TRIM66: variants seen among roughly 807,000 people sequenced by gnomAD.
TRIM66 encodes tripartite motif containing 66.
In TRIM66, 99 loss-of-function variants were observed where a neutral mutation model predicts 148.2. The observed-to-expected ratio is 0.67, with a 90% CI of 0.57 to 0.79. The LOEUF is 0.79. TRIM66 is among the 30% of genes least tolerant of loss of function. The pLI is 0.00. For missense variants in TRIM66, 1,666 were observed against 1,697.9 expected (o/e 0.98, Z 0.33); for synonymous variants, 616 against 635.9 (o/e 0.97, Z 0.47).
At chr11:8,622,377 T>TATATATATATATATATATATATATATAC (rs2034370737) in intron 18 of TRIM66, among the ~76,000 whole-genome samples, 1 of 70,966 alleles carries the variant, frequency 1.4e-5, no homozygotes. Flanking sequence ...TATATATATA[T>TATATATATATATATATATATATATATAC]ATATATCTCC....
At chr11:8,682,986 G>C (rs1364510419), upstream of TRIM66, 1 of 959,866 alleles carries the variant, frequency 1.0e-6, no homozygotes, top group East Asian at 2.5e-5. Context: ...TCCCGGAGCC[G>C]TGTGTTAGGC....
chr11:8,679,477 A>C (rs1461710261), intron 3 of TRIM66, 143 bp downstream of exon 3: 1 of 152,638 alleles, frequency 6.6e-6, no homozygotes, highest in Admixed American at 6.5e-5. Context: ...TCTATAACCA[A>C]GGAACCTGGC....
intron 6 of TRIM66, among the ~76,000 whole-genome samples, chr11:8,665,386 T>G (rs1361051303): frequency 6.6e-6 from 1 of 152,232 alleles, no homozygotes; most frequent in Non-Finnish European, 1.5e-5. Context: ...GCAACTGATA[T>G]CTGCCAGTCC....
chr11:8,655,878 G>T (rs914972517), intron 6 of TRIM66, among the ~76,000 whole-genome samples: 7 of 152,206 alleles, frequency 4.6e-5, no homozygotes, highest in Non-Finnish European at 7.3e-5. Context: ...CTGGCTATCA[G>T]CCTTGTCAGA....
chr11:8,621,924 A>G, intron 18 of TRIM66, 105 bp from the exon 19 acceptor site: 1 of 1,144,660 alleles, frequency 8.7e-7, no homozygotes, highest in Non-Finnish European at 1.2e-6. Context: ...ATTGAGTGTC[A>G]ACTTGATTGG....
At chr11:8,637,454 C>G (rs2035982917) in intron 15 of TRIM66, among the ~76,000 whole-genome samples, 1 of 152,154 alleles carries the variant, frequency 6.6e-6, no homozygotes, top group Non-Finnish European at 1.5e-5. Flanking sequence ...TACAGTACCT[C>G]AAGGGCCTCT....
chr11:8,650,095 A>G (rs1325164881), intron 7 of TRIM66, among the ~76,000 whole-genome samples: 1 of 152,120 alleles, frequency 6.6e-6, no homozygotes, highest in East Asian at 1.9e-4. Flanking sequence ...TGGCTACTTC[A>G]GGTATGGTGG....
At chr11:8,665,571 T>A (rs1160187417) in intron 6 of TRIM66, among the ~76,000 whole-genome samples, 1 of 152,186 alleles carries the variant, frequency 6.6e-6, no homozygotes, top group Non-Finnish European at 1.5e-5. Flanking sequence ...TACAGCCTGG[T>A]ACACAGTAGT....
At chr11:8,653,803 A>G (rs926908080) in intron 6 of TRIM66, among the ~76,000 whole-genome samples, 2 of 152,032 alleles carry the variant, frequency 1.3e-5, no homozygotes, top group African/African-American at 4.8e-5. Context: ...AAAAAAGAAA[A>G]GAAAAGAAAA....
In TRIM66 at chr11:8,617,744, A is replaced by C; in HGVS notation, c.*200T>G. Reference sequence around the variant, plus strand: ...ATAAATACCTTCCTCTTTCCTGTTTATTACTGAAATCTTCTCTGTAGTGGA... The same window carrying C: ...ATAAATACCTTCCTCTTTCCTGTTTCTTACTGAAATCTTCTCTGTAGTGGA... On this transcript the variant is annotated 3_prime_UTR_variant, in exon 25 of 25. Coordinates refer to ENST00000646038, the MANE Select transcript of TRIM66 (RefSeq NM_001388022.1). The C allele has an allele frequency of 1.8e-6, 1 of 562,040 alleles. No homozygotes were observed. 34.8% of individuals were successfully genotyped at this position (562,040 alleles called of 1,614,324 possible).
chr11:8,625,934 T>G (rs1461858708), intron 15 of TRIM66, among the ~76,000 whole-genome samples: 1 of 152,222 alleles, frequency 6.6e-6, no homozygotes, highest in African/African-American at 2.4e-5. Flanking sequence ...CTGGCCCTAG[T>G]ATACCTGCCA....
chr11:8,654,780 C>A (rs1379393330), intron 6 of TRIM66, among the ~76,000 whole-genome samples: 2 of 152,150 alleles, frequency 1.3e-5, no homozygotes, highest in Non-Finnish European at 2.9e-5. Context: ...AACTGCTGTA[C>A]ATTGTTTTGC....
intron 13 of TRIM66, 61 bp downstream of exon 13, chr11:8,642,948 G>A: frequency 4.2e-6 from 5 of 1,188,562 alleles, no homozygotes; most frequent in East Asian, 3.1e-5. Context: ...ACCCAGTAAG[G>A]TAAGCAATTA....
chr11:8,646,575 G>A lies in TRIM66; in HGVS notation c.843-14C>T, dbSNP rs2036865272. 1 of 1,541,484 alleles carries A rather than the reference G, an allele frequency of 6.5e-7. No homozygotes were observed. Among genetic ancestry groups the A allele is most frequent in the Non-Finnish European group, 8.8e-7 (1 of 1,137,834 alleles). Reference sequence around the variant, plus strand: ...ACTTCAAAAATCCTGTAAACACAATGGGACAAACCATGGTAAGCTTTCCTC... The same window carrying A: ...ACTTCAAAAATCCTGTAAACACAATAGGACAAACCATGGTAAGCTTTCCTC... On this transcript the variant is annotated splice_polypyrimidine_tract_variant and intron_variant, in intron 10 of 24. Transcript: ENST00000646038.
upstream of TRIM66, chr11:8,683,136 C>T (rs2039521042): frequency 3.3e-6 from 5 of 1,502,048 alleles, no homozygotes; most frequent in Admixed American, 1.7e-5. Flanking sequence ...AGGACCATCT[C>T]GGCTGGCGGG....
Position 8,631,365 on chromosome 11 carries a change from T to G in TRIM66, c.2311-6137A>C, listed in dbSNP as rs527593767. Among the ~76,000 whole-genome samples, 8 of 152,336 alleles carry G rather than the reference T, an allele frequency of 5.3e-5. No individual in the cohort carries two copies. The South Asian group carries it at 1.7e-3, about 32-fold the overall frequency. On this transcript the variant is annotated intron_variant, in intron 15 of 24. Transcript: ENST00000646038. ...CAGATAGGGTGGTGTTCCACATAAA[T>G]TAACTTTCCAGTTATCTGAAACATA...
intron 15 of TRIM66, among the ~76,000 whole-genome samples, chr11:8,629,327 A>G (rs766169456): frequency 6.6e-6 from 1 of 152,176 alleles, no homozygotes; most frequent in African/African-American, 2.4e-5. Flanking sequence ...CCTTTCCCCT[A>G]TTTGACATGT....
chr11:8,675,677 C>T (rs533521612), intron 3 of TRIM66, among the ~76,000 whole-genome samples: 18 of 152,218 alleles, frequency 1.2e-4, no homozygotes, highest in East Asian at 7.7e-4. Context: ...CCATCGCACC[C>T]GGCCTGCCAG....
intron 12 of TRIM66, among the ~76,000 whole-genome samples, chr11:8,643,466 A>T (rs1482258831): frequency 1.3e-5 from 2 of 151,556 alleles, no homozygotes; most frequent in Non-Finnish European, 2.9e-5. Context: ...CAGCCTCCTG[A>T]GTAGCTAGGA....
Sources: allele counts gnomAD v4.1 joint callset (sites outside exome capture counted in the v4.1 genomes callset), GRCh38; gene constraint gnomAD v4.1.1; transcripts MANE v1.5; gene names NCBI Gene and HGNC (gene_info 2026-07-23, HGNC 2026-07-21).